The following ITGB1 variants were observed in gnomAD, a reference collection of about 807,000 sequenced individuals.
The protein encoded by ITGB1 is integrin beta-1.
In ITGB1, 24 loss-of-function variants were observed where a neutral mutation model predicts 86.5. That is an observed-to-expected ratio of 0.28 (90% CI 0.20 to 0.39). ITGB1 has a LOEUF of 0.39. Among genes scored for constraint, ITGB1 ranks in the 10% least tolerant of loss-of-function variants. The pLI is 1.00. For missense variants in ITGB1, 556 were observed against 946.9 expected (o/e 0.59, Z 5.42); for synonymous variants, 323 against 316.8 (o/e 1.02, Z -0.21).
In ITGB1 at chr10:32,945,858, TTTG is replaced by T. The variant is rs145990357; in HGVS notation, c.1-10303_1-10301del. Among the ~76,000 whole-genome samples the T allele has an allele frequency of 5.0e-3, 765 of 152,312 alleles. 10 individuals carry two copies. Among genetic ancestry groups the T allele is most frequent in the African/African-American group, 0.017 (713 of 41,570 alleles). ...AGCTAACCATATATGCTGTATTTAT[TTTG>T]TTGTTAAACATACTTTCAATTTACT... is the stretch of plus-strand genomic sequence containing the variant. On this transcript the variant is annotated intron_variant, in intron 1 of 15. Transcript: ENST00000302278.
At chr10:32,916,915 G>A (rs1249536165) in intron 11 of ITGB1, among the ~76,000 whole-genome samples, 4 of 152,138 alleles carry the variant, frequency 2.6e-5, no homozygotes, top group African/African-American at 9.7e-5. Context: ...CAAAGCTGGA[G>A]GCATCACGCT....
chr10:32,920,526 C>T, intron 9 of ITGB1, 141 bp from the exon 10 acceptor site: 1 of 660,316 alleles, frequency 1.5e-6, no homozygotes, highest in Non-Finnish European at 2.6e-6. Flanking sequence ...AACTAGAAAA[C>T]ACAGAGGCCA....
intron 11 of ITGB1, among the ~76,000 whole-genome samples, chr10:32,918,612 G>A (rs1426549747): frequency 2.0e-5 from 3 of 152,158 alleles, no homozygotes; most frequent in Non-Finnish European, 4.4e-5. Flanking sequence ...CTTCAGGAAA[G>A]TAACCATTTT....
chr10:32,950,548 G>A (rs771731357), intron 1 of ITGB1, among the ~76,000 whole-genome samples: 3 of 151,934 alleles, frequency 2.0e-5, no homozygotes, highest in Non-Finnish European at 2.9e-5. Context: ...AAACTTCGCA[G>A]AAAGAATAGA....
chr10:32,940,742 T>C (rs1030996240), intron 1 of ITGB1, among the ~76,000 whole-genome samples: 27 of 152,238 alleles, frequency 1.8e-4, no homozygotes, highest in African/African-American at 6.5e-4. Context: ...ACTCATTCAT[T>C]CACAAATTTT....
chr10:32,905,676 C>G (rs1158504484), intron 15 of ITGB1, among the ~76,000 whole-genome samples: 1 of 152,202 alleles, frequency 6.6e-6, no homozygotes, highest in African/African-American at 2.4e-5. Context: ...CCTTATGTGT[C>G]TCAGTTTTCT....
chr10:32,957,137 G>A (rs912845601), intron 1 of ITGB1, among the ~76,000 whole-genome samples: 2 of 152,130 alleles, frequency 1.3e-5, no homozygotes, highest in Non-Finnish European at 2.9e-5. Flanking sequence ...GGCCCTCACT[G>A]TCATTATTAT....
intron 11 of ITGB1, among the ~76,000 whole-genome samples, chr10:32,917,464 A>G (rs1430303570): frequency 1.3e-5 from 2 of 152,256 alleles, no homozygotes; most frequent in East Asian, 3.8e-4. Flanking sequence ...GCTAATATCC[A>G]GAATCTACAA....
At chr10:32,911,173 T>A (rs2185797) in intron 13 of ITGB1, among the ~76,000 whole-genome samples, 17,131 of 152,258 alleles carry the variant, frequency 0.11, 1,106 homozygotes, top group Admixed American at 0.21. Context: ...AATTAAATCT[T>A]AATTGCCAAA....
intron 11 of ITGB1, among the ~76,000 whole-genome samples, chr10:32,917,311 G>A (rs1396095141): frequency 6.6e-6 from 1 of 152,138 alleles, no homozygotes; most frequent in Non-Finnish European, 1.5e-5. Context: ...AACACCAAAA[G>A]CAATGGCAAC....
At chr10:32,919,266 G>A (rs945437183) in intron 11 of ITGB1, among the ~76,000 whole-genome samples, 7 of 152,194 alleles carry the variant, frequency 4.6e-5, no homozygotes, top group South Asian at 2.1e-4. Flanking sequence ...CAGAGAAAGC[G>A]GTATTCAATG....
intron 1 of ITGB1, among the ~76,000 whole-genome samples, chr10:32,938,319 T>C (rs1385563148): frequency 6.6e-6 from 1 of 152,190 alleles, no homozygotes; most frequent in African/African-American, 2.4e-5. Context: ...ATGCAGGCAG[T>C]TTCCACACAA....
At chr10:32,936,601 G>A (rs960490049) in intron 1 of ITGB1, among the ~76,000 whole-genome samples, 1 of 150,898 alleles carries the variant, frequency 6.6e-6, no homozygotes, top group Non-Finnish European at 1.5e-5. Flanking sequence ...CAAAAAATTA[G>A]GTAATATTCT....
At chr10:32,929,741 A>C (rs2094976984) in intron 4 of ITGB1, 81 bp downstream of exon 4, 3 of 822,338 alleles carry the variant, frequency 3.6e-6, no homozygotes, top group Non-Finnish European at 6.3e-6. Flanking sequence ...CCTTCAACAG[A>C]AACTGGTCAG....
chr10:32,948,962 T>C (rs2095037452), intron 1 of ITGB1, among the ~76,000 whole-genome samples: 1 of 69,214 alleles, frequency 1.4e-5, no homozygotes, highest in Admixed American at 1.3e-4. Flanking sequence ...CTGCTCACTG[T>C]GGATTACTGA....
At chr10:32,955,197 G>A (rs1051031884) in intron 1 of ITGB1, among the ~76,000 whole-genome samples, 5 of 152,026 alleles carry the variant, frequency 3.3e-5, no homozygotes, top group African/African-American at 1.2e-4. Context: ...TCCCACCTCT[G>A]AAAAAATAAC....
chr10:32,918,015 T>TA (rs2094937372), intron 11 of ITGB1, among the ~76,000 whole-genome samples: 1 of 152,114 alleles, frequency 6.6e-6, no homozygotes, highest in Non-Finnish European at 1.5e-5. Context: ...TATGCAGCCA[T>TA]AAAAAATGAT....
intron 2 of ITGB1, among the ~76,000 whole-genome samples, chr10:32,933,840 T>G (rs2094992012): frequency 6.6e-6 from 1 of 152,182 alleles, no homozygotes; most frequent in African/African-American, 2.4e-5. Context: ...CATCACAAAT[T>G]CTTTTTAAAA....
chr10:32,926,928 GTT>G (rs56133971), intron 5 of ITGB1, among the ~76,000 whole-genome samples: 14,294 of 152,042 alleles, frequency 0.094, 854 homozygotes, highest in Admixed American at 0.2. Context: ...AATTTCTGTT[GTT>G]CATAAGCCAC....
Sources: allele counts gnomAD v4.1 joint callset (sites outside exome capture counted in the v4.1 genomes callset), GRCh38; gene constraint gnomAD v4.1.1; transcripts MANE v1.5; gene names NCBI Gene and HGNC (gene_info 2026-07-23, HGNC 2026-07-21).